ATRX: variants seen among roughly 807,000 people sequenced by gnomAD.
The protein encoded by ATRX is chromatin remodeler ATRX.
In ATRX, 12 loss-of-function variants were observed where a neutral mutation model predicts 172.6. That is an observed-to-expected ratio of 0.07 (90% CI 0.04 to 0.11). The LOEUF is 0.11. Ranked by LOEUF, ATRX falls within the 10% of genes least tolerant of loss-of-function variation. The pLI, the probability that ATRX is intolerant of heterozygous loss-of-function variation, is 1.00. For synonymous variants in ATRX, 674 were observed against 594.7 expected (o/e 1.13, Z -1.94); for missense variants, 1,368 against 1,767.4 (o/e 0.77, Z 4.05).
rs782395054 is a variant in ATRX, at chrX:77,683,183, T to C, written c.2073A>G (p.Leu691=). 8 of 1,208,645 alleles carry C rather than the reference T, an allele frequency of 6.6e-6. No homozygotes were observed. The South Asian group carries it at 7.0e-5, about 11-fold the overall frequency. The change falls in exon 9 of 35, where the codon CTA becomes CTG. Residue 691 remains leucine, a synonymous_variant. Coordinates refer to ENST00000373344, the MANE Select transcript of ATRX (RefSeq NM_000489.6). ...TATCCTTTTTTCTCACTGGAACTGA[T>C]AGTTTTTGTTTCTCCTTAACTGTTT... ...CNETVKEKQK[L]SVPVRKKDKR... is the part of the protein sequence containing the mutation.
rs1602636040 is a variant in ATRX at position 77,580,787 on chromosome X, T to C, written c.6218-6429A>G. On this transcript the variant is annotated intron_variant, in intron 27 of 34. Transcript: ENST00000373344. ...GAATATTATAACAGCGTAACTGTGGTGTATAAATTACTCTTATTATAAGTA... is the reference window on the plus strand; with the variant it reads ...GAATATTATAACAGCGTAACTGTGGCGTATAAATTACTCTTATTATAAGTA... Among the ~76,000 whole-genome samples, 4 of 111,816 alleles carry C rather than the reference T, an allele frequency of 3.6e-5. No homozygotes were observed. The Admixed American group carries it at 3.8e-4, about 11-fold the overall frequency.
chrX:77,599,832 A>C lies in ATRX; in HGVS notation c.5698-12T>G. On this transcript the variant is annotated splice_polypyrimidine_tract_variant and intron_variant, in intron 23 of 34. Transcript: ENST00000373344. Reference sequence around the variant, plus strand: ...TCATCAAAATAACCCTAGAGAAAAAAAAATGACCACTATTTTAATAGAATA... The same window carrying C: ...TCATCAAAATAACCCTAGAGAAAAACAAATGACCACTATTTTAATAGAATA... 8.9e-7 allele frequency: 1 copy of C among 1,127,736 alleles called. No individual in the cohort carries two copies. The highest frequency in any genetic ancestry group is 1.8e-5 in the South Asian group (1 of 54,824). The allele number at this position is 1,127,736 out of a possible 1,213,427, so 92.9% of individuals were successfully genotyped here.
At chrX:77,667,166 T>C (rs917705323) in intron 10 of ATRX, among the ~76,000 whole-genome samples, 2 of 110,862 alleles carry the variant, frequency 1.8e-5, no homozygotes, top group African/African-American at 3.3e-5. Flanking sequence ...TTTCTATGTC[T>C]GGCACAGCAC....
intron 16 of ATRX, among the ~76,000 whole-genome samples, chrX:77,635,385 GA>G (rs1210847877): frequency 9.2e-5 from 10 of 108,912 alleles, no homozygotes; most frequent in African/African-American, 1.3e-4. Context: ...AGTCAATCAG[GA>G]AAAAAAAACC....
At chrX:77,577,934 A>G (rs2065681979) in intron 27 of ATRX, among the ~76,000 whole-genome samples, 1 of 111,944 alleles carries the variant, frequency 8.9e-6, no homozygotes, top group Admixed American at 9.5e-5. Flanking sequence ...ATATCACTGA[A>G]AGAGGCACAG....
chrX:77,579,380 C>A (rs2065746354), intron 27 of ATRX, among the ~76,000 whole-genome samples: 1 of 111,993 alleles, frequency 8.9e-6, no homozygotes, highest in Non-Finnish European at 1.9e-5. Context: ...AAGTGCTATA[C>A]CCGCAGTGGT....
At chrX:77,732,221 G>A (rs979359003) in intron 1 of ATRX, among the ~76,000 whole-genome samples, 5 of 111,461 alleles carry the variant, frequency 4.5e-5, no homozygotes, top group African/African-American at 1.6e-4. Flanking sequence ...CCTGCACAGG[G>A]CTTGCTGCTG....
intron 2 of ATRX, among the ~76,000 whole-genome samples, chrX:77,701,087 C>T (rs1363797623): frequency 3.6e-5 from 4 of 112,480 alleles, no homozygotes; most frequent in Non-Finnish European, 7.5e-5. Context: ...CGTTATATAA[C>T]AAATGTACAA....
chrX:77,543,720 A>C (rs1386197764), intron 30 of ATRX, among the ~76,000 whole-genome samples: 1 of 110,168 alleles, frequency 9.1e-6, no homozygotes, highest in Admixed American at 9.8e-5. Flanking sequence ...AGAAAATCAA[A>C]CACCACATGT....
Position 77,522,320 on chromosome X carries a change from A to G in ATRX, c.6918T>C (p.Thr2306=), listed in dbSNP as rs1557041826. The G allele has an allele frequency of 8.3e-7, 1 of 1,208,447 alleles. No individual in the cohort carries two copies. The highest frequency in any genetic ancestry group is 1.1e-6 in the Non-Finnish European group (1 of 894,032). ...NLPPVSFNSQ[T]PYIPFNLGAL... ...CTCCCAAATTGAAAGGAATATAAGGAGTTTGAGAGTTGAAACTGACAGGGG... is the reference window on the plus strand; with the variant it reads ...CTCCCAAATTGAAAGGAATATAAGGGGTTTGAGAGTTGAAACTGACAGGGG... The change falls in exon 32 of 35, where the codon ACT becomes ACC. Residue 2306 remains threonine, a synonymous_variant. Transcript: ENST00000373344.
At chrX:77,744,342 C>A (rs781859420) in intron 1 of ATRX, among the ~76,000 whole-genome samples, 1 of 111,791 alleles carries the variant, frequency 8.9e-6, no homozygotes, top group Non-Finnish European at 1.9e-5. Context: ...CACTACTGCA[C>A]GCACCCAGAA....
At chrX:77,653,349 G>T (rs781808490) in intron 14 of ATRX, among the ~76,000 whole-genome samples, 1 of 111,853 alleles carries the variant, frequency 8.9e-6, no homozygotes, top group African/African-American at 3.2e-5. Context: ...CACTTACAAT[G>T]GAATATTATT....
chrX:77,764,159 C>T (rs2075825273), intron 1 of ATRX, among the ~76,000 whole-genome samples: 1 of 111,412 alleles, frequency 9.0e-6, no homozygotes, highest in East Asian at 2.8e-4. Context: ...TACCTAGCTC[C>T]GTATACTATA....
At chrX:77,538,801 A>T (rs2063853937) in intron 30 of ATRX, among the ~76,000 whole-genome samples, 1 of 111,197 alleles carries the variant, frequency 9.0e-6, no homozygotes, top group African/African-American at 3.3e-5. Context: ...AGGCGCAGAC[A>T]TTAAGTGATT....
intron 2 of ATRX, among the ~76,000 whole-genome samples, chrX:77,703,597 T>C (rs2072656145): frequency 8.9e-6 from 1 of 112,185 alleles, no homozygotes; most frequent in Admixed American, 9.4e-5. Flanking sequence ...AGGTCTGGGC[T>C]CCCCAGAGGG....
At chrX:77,561,762 G>A (rs1231412170) in intron 28 of ATRX, 1 of 110,814 alleles carries the variant, frequency 9.0e-6, no homozygotes, top group East Asian at 2.8e-4. Context: ...TACAGCAGTC[G>A]AGCTCCCATA....
intron 1 of ATRX, among the ~76,000 whole-genome samples, chrX:77,723,396 AT>A (rs2073875345): frequency 8.9e-6 from 1 of 111,879 alleles, no homozygotes; most frequent in South Asian, 3.7e-4. Context: ...ATTTTCCTGT[AT>A]TTAGTTAAGA....
At chrX:77,590,295 G>T (rs1157925975) in intron 26 of ATRX, among the ~76,000 whole-genome samples, 3 of 110,940 alleles carry the variant, frequency 2.7e-5, no homozygotes, top group African/African-American at 9.8e-5. Context: ...CATTTCAATG[G>T]TAAAAGGATA....
rs1296702273 is a variant in ATRX at position 77,712,036 on chromosome X, T to C, written c.133+5095A>G. ...GTTTTCGTGCAATCTGGTTTTCCCA[T>C]TCTGTGGCTCTTTTCTAGATGGGAT... is the stretch of plus-strand genomic sequence containing the variant. On this transcript the variant is annotated intron_variant, in intron 2 of 34. Transcript: ENST00000373344. Among the ~76,000 whole-genome samples the C allele has an allele frequency of 2.7e-5, 3 of 112,003 alleles. No individual in the cohort carries two copies. In the East Asian group the frequency reaches 8.4e-4, roughly 31 times the overall value.
Sources: gnomAD v4.1 joint callset for allele counts (sites outside exome capture counted in the v4.1 genomes callset) on GRCh38, gnomAD v4.1.1 for gene constraint, MANE v1.5 for transcripts, NCBI Gene and HGNC (gene_info 2026-07-23, HGNC 2026-07-21) for gene names.